RNF19B: variants seen among roughly 807,000 people sequenced by gnomAD.
RNF19B encodes E3 ubiquitin-protein ligase RNF19B.
Under a neutral mutation model 65.5 loss-of-function variants are expected in RNF19B, and 23 were observed. The observed-to-expected ratio is 0.35, with a 90% CI of 0.25 to 0.50. RNF19B has a LOEUF of 0.50. Among genes scored for constraint, RNF19B ranks in the 20% least tolerant of loss-of-function variants. The pLI is 0.98. For synonymous variants in RNF19B, 372 were observed against 379.6 expected (o/e 0.98, Z 0.23); for missense variants, 794 against 980.0 (o/e 0.81, Z 2.53).
intron 6 of RNF19B, 88 bp downstream of exon 6, chr1:32,943,931 A>G: frequency 7.6e-7 from 1 of 1,313,588 alleles, no homozygotes. Context: ...TAATCCAATG[A>G]CAATCTCCCT....
chr1:32,935,161 T>TG (rs1490041283), downstream of RNF19B, among the ~76,000 whole-genome samples: 3 of 150,718 alleles, frequency 2.0e-5, no homozygotes, highest in African/African-American at 7.3e-5. Context: ...ATTTTTGAGA[T>TG]GGAGTCTCCC....
intron 1 of RNF19B, among the ~76,000 whole-genome samples, chr1:32,963,204 G>A (rs959588589): frequency 2.0e-5 from 3 of 152,056 alleles, no homozygotes; most frequent in African/African-American, 7.2e-5. Context: ...TCCCGATAGC[G>A]TGGCACAGAA....
At chr1:32,955,335 T>C (rs1557579320) in intron 1 of RNF19B, among the ~76,000 whole-genome samples, 1 of 152,070 alleles carries the variant, frequency 6.6e-6, no homozygotes, top group Non-Finnish European at 1.5e-5. Context: ...GCTTATTATA[T>C]GCCAGGTACT....
chr1:32,935,262 C>T (rs907153641), downstream of RNF19B, among the ~76,000 whole-genome samples: 3 of 152,082 alleles, frequency 2.0e-5, no homozygotes, highest in South Asian at 2.1e-4. Flanking sequence ...CTCAGCCTCC[C>T]GAGTAGCTGG....
intron 1 of RNF19B, among the ~76,000 whole-genome samples, chr1:32,960,766 G>A (rs1353502905): frequency 2.0e-5 from 3 of 152,162 alleles, no homozygotes; most frequent in African/African-American, 2.4e-5. Context: ...GGAGGCCAAG[G>A]CGGGAAAACA....
chr1:32,949,229 T>C (rs1019964102), intron 2 of RNF19B, among the ~76,000 whole-genome samples: 6 of 152,240 alleles, frequency 3.9e-5, no homozygotes, highest in Middle Eastern at 3.2e-3. Flanking sequence ...ACAGGTTTAA[T>C]ACTAATTAAA....
At chr1:32,955,748 CAAA>C (rs71571730) in intron 1 of RNF19B, among the ~76,000 whole-genome samples, 40 of 111,682 alleles carry the variant, frequency 3.6e-4, no homozygotes, top group Non-Finnish European at 3.6e-4. Flanking sequence ...AACCCTGTCT[CAAA>C]AAAAAAAAAA....
At chr1:32,947,839 T>G (rs1642403985) in intron 3 of RNF19B, among the ~76,000 whole-genome samples, 1 of 151,892 alleles carries the variant, frequency 6.6e-6, no homozygotes, top group African/African-American at 2.4e-5. Flanking sequence ...AGTCAAAGAA[T>G]GAGGCGGAAA....
At chr1:32,961,268 T>G (rs1305919940) in intron 1 of RNF19B, among the ~76,000 whole-genome samples, 2 of 152,194 alleles carry the variant, frequency 1.3e-5, no homozygotes, top group African/African-American at 4.8e-5. Context: ...TATCTTTGGC[T>G]TTCTCCATGT....
intron 6 of RNF19B, among the ~76,000 whole-genome samples, chr1:32,943,112 G>T (rs1267530003): frequency 1.3e-5 from 2 of 150,528 alleles, no homozygotes; most frequent in East Asian, 1.9e-4. Context: ...CTGCACTCCA[G>T]CCTGGGCAAC....
chr1:32,962,688 A>G (rs1642800280), intron 1 of RNF19B, among the ~76,000 whole-genome samples: 1 of 152,234 alleles, frequency 6.6e-6, no homozygotes, highest in Non-Finnish European at 1.5e-5. Context: ...GCTAAAGATC[A>G]CACAACTTTT....
chr1:32,958,807 CATCTT>C (rs1186958300), intron 1 of RNF19B, among the ~76,000 whole-genome samples: 24 of 151,896 alleles, frequency 1.6e-4, no homozygotes, highest in Non-Finnish European at 2.5e-4. Flanking sequence ...AATAAGAACT[CATCTT>C]ATAGGTTAGG....
At chr1:32,952,444 A>AC in intron 1 of RNF19B, among the ~76,000 whole-genome samples, 1 of 115,450 alleles carries the variant, frequency 8.7e-6, no homozygotes, top group Admixed American at 9.3e-5. Flanking sequence ...AAAAAAAAAA[A>AC]AAAAAAAAAA....
chr1:32,964,422 G>A lies in RNF19B; in HGVS notation c.264C>T (p.Ala88=). 4 of 1,199,848 alleles carry A rather than the reference G, an allele frequency of 3.3e-6. No homozygotes were observed. Among genetic ancestry groups the A allele is most frequent in the South Asian group, 7.9e-5 (2 of 25,314 alleles). 74.3% of individuals were successfully genotyped at this position (1,199,848 alleles called of 1,614,324 possible). The change falls in exon 1 of 9, where the codon GCC becomes GCT. Residue 88 remains alanine, a synonymous_variant. Transcript: ENST00000235150. The surrounding 1 kb of genome is among the most constrained non-coding windows in gnomAD (Gnocchi z 6.5). ...CCGCCGCCGCCGCGGCCTCCGCCTC[G>A]GCCTCGGCGGCCGGCTCGGCGGGCA... The part of the protein sequence containing the change: ...EALPAEPAAE[A]EAEAAAAAAE...
chr1:32,937,034 C>T lies in RNF19B; in HGVS notation c.1968G>A (p.Leu656=), dbSNP rs1279545335. ...CLASKPWDIS[L]AQPESIRSDL... The stretch of plus-strand genomic sequence containing the variant: ...CACTGCGGATGCTTTCAGGCTGGGC[C>T]AGGCTGATGTCCCAAGGTTTGCTGG... Residue 656 remains leucine (L), a synonymous_variant, in exon 9 of 9, where the codon CTG becomes CTA. Transcript: ENST00000235150. 12 of 1,614,212 alleles carry T rather than the reference C, an allele frequency of 7.4e-6. No homozygotes were observed. The highest frequency in any genetic ancestry group is 3.3e-4 in the Middle Eastern group (2 of 6,062).
At chr1:32,957,277 C>T (rs896842650) in intron 1 of RNF19B, among the ~76,000 whole-genome samples, 2 of 152,100 alleles carry the variant, frequency 1.3e-5, no homozygotes, top group Non-Finnish European at 2.9e-5. Flanking sequence ...GCAGCTGGGA[C>T]CACAGGTGCA....
Position 32,936,606 on chromosome 1 carries a change from A to G in RNF19B, c.*200T>C, listed in dbSNP as rs1450558829. The G allele has an allele frequency of 2.0e-6, 1 of 506,708 alleles. No homozygotes were observed. Among genetic ancestry groups the G allele is most frequent in the Non-Finnish European group, 3.4e-6 (1 of 293,214 alleles). The allele number at this position is 506,708 out of a possible 1,614,324, so 31.4% of individuals were successfully genotyped here. A position where few individuals can be genotyped will look rare whatever the true frequency, so the allele number is the denominator to read the frequency against. On this transcript the variant is annotated 3_prime_UTR_variant, in exon 9 of 9. Coordinates refer to ENST00000235150, the MANE Select transcript of RNF19B (RefSeq NM_001300826.2). ...AAACTAAAAAGAGGGAGGGGAGGGG[A>G]GGGGAACTAACGGCAAACTTTTCAT...
intron 1 of RNF19B, among the ~76,000 whole-genome samples, chr1:32,958,045 A>G (rs188483954): frequency 1.3e-5 from 2 of 152,362 alleles, no homozygotes; most frequent in East Asian, 3.9e-4. Context: ...ATCCTAGTCT[A>G]GAGACATGAG....
downstream of RNF19B, among the ~76,000 whole-genome samples, chr1:32,935,141 TTTTTA>T (rs1358034893): frequency 3.3e-5 from 5 of 151,430 alleles, 1 homozygote; most frequent in Non-Finnish European, 5.9e-5. Context: ...ATTATTTTAT[TTTTTA>T]TTTTATTTTT....
Sources: gnomAD v4.1 joint callset for allele counts (sites outside exome capture counted in the v4.1 genomes callset) on GRCh38, gnomAD v4.1.1 for gene constraint, Gnocchi (gnomAD v3.1) non-coding constraint, MANE v1.5 for transcripts, NCBI Gene and HGNC (gene_info 2026-07-23, HGNC 2026-07-21) for gene names.